Variants in ENPEP observed in about 807,000 individuals in gnomAD.
The protein encoded by ENPEP is AP-A.
Under a neutral mutation model 114.5 loss-of-function variants are expected in ENPEP, and 103 were observed. The ratio of observed to expected loss-of-function variants is 0.90; its 90% CI spans 0.77 to 1.06. The LOEUF (loss-of-function observed/expected upper bound fraction) is 1.06, where lower values mean the gene tolerates loss of function less well. Ranked by LOEUF, ENPEP falls within the 50% of genes least tolerant of loss-of-function variation. ENPEP has a pLI of 0.00. For synonymous variants in ENPEP, 420 were observed against 422.0 expected, an observed-to-expected ratio of 1.00 and a Z score of 0.06; for missense variants, 1,196 against 1,161.3, an observed-to-expected ratio of 1.03 and a Z score of -0.43.
At chr4:110,502,901 TTTC>T (rs1725214592) in intron 3 of ENPEP, among the ~76,000 whole-genome samples, 1 of 152,094 alleles carries the variant, frequency 6.6e-6, no homozygotes, top group African/African-American at 2.4e-5. Context: ...TATTCGATGT[TTTC>T]TTTTTTTTTA....
chr4:110,554,258 A>G (rs1350254235), intron 18 of ENPEP, among the ~76,000 whole-genome samples: 1 of 152,040 alleles, frequency 6.6e-6, no homozygotes, highest in African/African-American at 2.4e-5. Context: ...TCTCCTGTCA[A>G]TCCAGCGGCA....
intron 1 of ENPEP, 73 bp from the exon 2 acceptor site, chr4:110,488,468 C>T: frequency 2.8e-6 from 4 of 1,426,602 alleles, no homozygotes; most frequent in Non-Finnish European, 2.7e-6. Context: ...TTTTTTTTCC[C>T]CTAGGAATAG....
Position 110,559,662 on chromosome 4 carries a change from C to G in ENPEP, c.2658C>G (p.Asn886Lys). The change falls in exon 19 of 20, where the codon AAC becomes AAG. Residue 886 changes from asparagine to lysine, a missense_variant. Physicochemically the swap from Asn to Lys is moderately conservative, Grantham distance 94 (BLOSUM62 0). Transcript: ENST00000265162. ...TTCTCTCCAGATATACACTCAATAACAGAAACCTTGGCCGAATTGTCACAA... is the reference window on the plus strand; with the variant it reads ...TTCTCTCCAGATATACACTCAATAAGAGAAACCTTGGCCGAATTGTCACAA... ...DYLVNRYTLN[N>K]RNLGRIVTIA... 12 of 1,613,324 alleles carry G rather than the reference C, an allele frequency of 7.4e-6. No individual in the cohort carries two copies. Among genetic ancestry groups the G allele is most frequent in the Non-Finnish European group, 1.0e-5 (12 of 1,179,276 alleles).
chr4:110,504,651 G>A (rs114507958), intron 3 of ENPEP, among the ~76,000 whole-genome samples: 1,599 of 152,268 alleles, frequency 0.011, 15 homozygotes, highest in Non-Finnish European at 0.018. Flanking sequence ...AGAAACAAAA[G>A]AGGAAGGGAC....
rs143034817 is a variant in ENPEP, at chr4:110,476,486, G to C, written c.72G>C (p.Ala24=). Residue 24 remains alanine, a synonymous_variant, in exon 1 of 20, where the codon GCG becomes GCC. Coordinates refer to ENST00000265162, the MANE Select transcript of ENPEP (RefSeq NM_001977.4). ...CGAAACATGTGGCCATTCTCTGTGC[G>C]GTGGTGGTGGGTGTAGGATTAATAG... ...IQTKHVAILC[A]VVVGVGLIVG... is the part of the protein sequence containing the mutation. The C allele has an allele frequency of 1.3e-6, 2 of 1,576,788 alleles. No individual in the cohort carries two copies. The highest frequency in any genetic ancestry group is 1.2e-5 in the South Asian group (1 of 84,998).
chr4:110,502,162 T>G (rs1212126186), intron 3 of ENPEP, among the ~76,000 whole-genome samples: 1 of 152,154 alleles, frequency 6.6e-6, no homozygotes, highest in Non-Finnish European at 1.5e-5. Context: ...ATTTAAGTTC[T>G]TTACAGATTC....
At position 110,546,312 on chromosome 4, in the gene ENPEP, C is replaced by T. The variant is rs989176903; in HGVS notation, c.2001-1864C>T. On this transcript the variant is annotated intron_variant, in intron 13 of 19. Transcript: ENST00000265162. The stretch of plus-strand genomic sequence containing the variant: ...AAAACAGACACAGAAATAATTCTTC[C>T]CCCCACCCCGCCCCCTGCTTGCTAC... Among the ~76,000 whole-genome samples, 5 of 151,798 alleles carry T rather than the reference C, an allele frequency of 3.3e-5. No individual in the cohort carries two copies. In the East Asian group the frequency reaches 9.8e-4, roughly 30 times the overall value.
chr4:110,533,798 C>A (rs1040153187), intron 11 of ENPEP, among the ~76,000 whole-genome samples: 1 of 152,170 alleles, frequency 6.6e-6, no homozygotes, highest in East Asian at 1.9e-4. Context: ...CCCCTCCCCA[C>A]AGAATATTCT....
At position 110,535,712 on chromosome 4, in the gene ENPEP, C is replaced by T. The variant is rs536281760; in HGVS notation, c.1807+4435C>T. 5.5e-4 allele frequency among the ~76,000 whole-genome samples: 84 copies of T among 152,292 alleles called. No individual in the cohort carries two copies. In the South Asian group the frequency reaches 0.011, roughly 20 times the overall value. On this transcript the variant is annotated intron_variant, in intron 11 of 19. Transcript: ENST00000265162. ...ACTTAGTAAGAATTAAAGGGCTGGGCGCGGTGGCTCACGCCTGTAATCCCA... is the reference window on the plus strand; with the variant it reads ...ACTTAGTAAGAATTAAAGGGCTGGGTGCGGTGGCTCACGCCTGTAATCCCA...
intron 8 of ENPEP, 148 bp downstream of exon 8, chr4:110,515,590 T>C (rs1725734782): frequency 3.0e-6 from 2 of 664,396 alleles, no homozygotes; most frequent in South Asian, 3.5e-5. Flanking sequence ...AAAAACATGA[T>C]TTTACATCCA....
At chr4:110,498,176 A>G (rs1183008574) in intron 3 of ENPEP, among the ~76,000 whole-genome samples, 1 of 152,208 alleles carries the variant, frequency 6.6e-6, no homozygotes, top group African/African-American at 2.4e-5. Flanking sequence ...TACTTCAATT[A>G]AGATGTGCAC....
intron 17 of ENPEP, among the ~76,000 whole-genome samples, chr4:110,551,265 G>C (rs916067597): frequency 9.9e-5 from 15 of 152,116 alleles, no homozygotes; most frequent in African/African-American, 3.4e-4. Context: ...AGGATCCCAC[G>C]ACTTTAGTGC....
chr4:110,490,811 A>G (rs975529691), intron 2 of ENPEP, among the ~76,000 whole-genome samples: 7 of 152,344 alleles, frequency 4.6e-5, no homozygotes, highest in African/African-American at 1.7e-4. Flanking sequence ...TCTCCCTGAA[A>G]AACCTGATAC....
chr4:110,523,287 C>T (rs1008683600), intron 10 of ENPEP, among the ~76,000 whole-genome samples: 8 of 152,168 alleles, frequency 5.3e-5, no homozygotes, highest in Middle Eastern at 3.2e-3. Context: ...GCCATTTTCC[C>T]TGCTCTTGCT....
intron 13 of ENPEP, among the ~76,000 whole-genome samples, chr4:110,545,499 G>A (rs553413063): frequency 6.6e-6 from 1 of 152,054 alleles, no homozygotes; most frequent in Non-Finnish European, 1.5e-5. Flanking sequence ...ATGGGAATGG[G>A]GTGATTGATT....
chr4:110,522,158 G>C (rs549108512), intron 10 of ENPEP, among the ~76,000 whole-genome samples: 1 of 151,790 alleles, frequency 6.6e-6, no homozygotes, highest in Non-Finnish European at 1.5e-5. Flanking sequence ...GATTACAGGC[G>C]TGAGCCACTG....
chr4:110,532,500 A>G (rs1011300290), intron 11 of ENPEP, among the ~76,000 whole-genome samples: 2 of 152,164 alleles, frequency 1.3e-5, no homozygotes, highest in African/African-American at 4.8e-5. Flanking sequence ...TTATCCATTT[A>G]TCAGTTGATA....
intron 11 of ENPEP, among the ~76,000 whole-genome samples, chr4:110,532,638 G>A (rs1410606463): frequency 6.6e-6 from 1 of 151,750 alleles, no homozygotes; most frequent in Non-Finnish European, 1.5e-5. Context: ...AACGTTTATT[G>A]TTAACAGTTT....
At chr4:110,487,020 G>C (rs1441507346) in intron 1 of ENPEP, among the ~76,000 whole-genome samples, 1 of 152,116 alleles carries the variant, frequency 6.6e-6, no homozygotes, top group Non-Finnish European at 1.5e-5. Flanking sequence ...TTCTGTTCCT[G>C]GGTGGGATGG....
Sources: allele counts gnomAD v4.1 joint callset (sites outside exome capture counted in the v4.1 genomes callset), GRCh38; gene constraint gnomAD v4.1.1; transcripts MANE v1.5; gene names NCBI Gene and HGNC (gene_info 2026-07-23, HGNC 2026-07-21).